The following WFDC10B variants were observed in gnomAD, a reference collection of about 807,000 sequenced individuals.
The protein encoded by WFDC10B is WAP four-disulfide core domain 10B.
WFDC10B carries 1 observed loss-of-function variant against 2.7 expected under a neutral mutation model. The observed-to-expected ratio is 0.38, with a 90% CI of 0.13 to 1.79. The LOEUF is 1.79. Ranked by LOEUF, WFDC10B falls within the 40% of genes most tolerant of loss-of-function variation. The probability of loss-of-function intolerance (pLI) is 0.33; values close to 1 mark genes in which losing one functional copy is unlikely to be tolerated. For synonymous variants in WFDC10B, 26 were observed against 32.2 expected (o/e 0.81, Z 0.65); for missense variants, 71 against 87.8 (o/e 0.81, Z 0.76).
intron 2 of WFDC10B, among the ~76,000 whole-genome samples, chr20:45,693,914 T>A (rs903564467): frequency 1.3e-5 from 2 of 152,336 alleles, no homozygotes; most frequent in African/African-American, 4.8e-5. Context: ...TCACCCGTCC[T>A]CTTCATCGCT....
In WFDC10B at chr20:45,684,816, GC is replaced by G; in HGVS notation, c.*13del. 6.2e-7 allele frequency: 1 copy of G among 1,613,090 alleles called. No homozygotes were observed. Among genetic ancestry groups the G allele is most frequent in the Non-Finnish European group, 8.5e-7 (1 of 1,179,396 alleles). On this transcript the variant is annotated 3_prime_UTR_variant, in exon 4 of 4. Coordinates refer to ENST00000330523, the MANE Select transcript of WFDC10B (RefSeq NM_172006.2). ...TTCAGGGAGCAGGATGCACATCCCA[GC>G]CCACTCTCCCACTCATAGGATGCTC... is the stretch of plus-strand genomic sequence containing the variant.
intron 2 of WFDC10B, among the ~76,000 whole-genome samples, chr20:45,687,897 A>AT (rs1484010783): frequency 1.5e-5 from 2 of 130,402 alleles, no homozygotes; most frequent in Non-Finnish European, 3.1e-5. Flanking sequence ...ATTATACTTT[A>AT]AGTTTTAGGG....
chr20:45,702,053 C>T, intron 2 of WFDC10B: 1 of 1,447,742 alleles, frequency 6.9e-7, no homozygotes, highest in Non-Finnish European at 9.5e-7. Context: ...TCCTTCTCTT[C>T]TCCTCACAGC....
chr20:45,704,686 CCTT>C lies in WFDC10B; in HGVS notation c.-129-128_-129-126del. On this transcript the variant is annotated intron_variant, in intron 1 of 3. Transcript: ENST00000330523. ...TTACCAGCAACTGTGCTGGATCTCT[CCTT>C]TTTTTTTTTTTTCCTTGGTGGCCAT... 2.1e-6 allele frequency: 3 copies of C among 1,463,150 alleles called. No homozygotes were observed. The East Asian group carries it at 7.3e-5, about 36-fold the overall frequency. The allele number at this position is 1,463,150 out of a possible 1,614,324, so 90.6% of individuals were successfully genotyped here. A position where few individuals can be genotyped will look rare whatever the true frequency, so the allele number is the denominator to read the frequency against.
rs142448374 is a variant in WFDC10B at position 45,685,914 on chromosome 20, T to C, written c.79A>G (p.Met27Val). The change falls in exon 3 of 4, where the codon ATG (methionine) becomes GTG (valine). Residue 27 changes from methionine (M) to valine (V), a missense_variant. By Grantham distance (21) the Met-to-Val change is conservative. Coordinates refer to ENST00000330523, the MANE Select transcript of WFDC10B (RefSeq NM_172006.2). ...LQAQGGYRDK[M>V]RMQRIKVCEK... ...GCCCATCACCTACTCTGCATCCTCA[T>C]CTTGTCACGGTATCCTCCCTGGGCC... The C allele has an allele frequency of 8.1e-5, 131 of 1,613,976 alleles. No homozygotes were observed. In the African/African-American group the frequency reaches 1.7e-3, roughly 21 times the overall value.
intron 2 of WFDC10B, among the ~76,000 whole-genome samples, chr20:45,691,168 A>G (rs1983800302): frequency 6.6e-6 from 1 of 152,102 alleles, no homozygotes; most frequent in Non-Finnish European, 1.5e-5. Flanking sequence ...CTTAATGCTG[A>G]GTTCTAGTTT....
At chr20:45,704,169 G>C (rs1984290129) in intron 2 of WFDC10B, among the ~76,000 whole-genome samples, 1 of 152,150 alleles carries the variant, frequency 6.6e-6, no homozygotes, top group South Asian at 2.1e-4. Context: ...ATAGTCAATG[G>C]GGGCTTGGCA....
At chr20:45,700,698 T>C (rs1465939769) in intron 2 of WFDC10B, among the ~76,000 whole-genome samples, 1 of 152,346 alleles carries the variant, frequency 6.6e-6, no homozygotes, top group Admixed American at 6.5e-5. Flanking sequence ...AGGGTACTTA[T>C]GAGAAACCTA....
At chr20:45,689,900 G>T (rs932706467) in intron 2 of WFDC10B, among the ~76,000 whole-genome samples, 38 of 152,012 alleles carry the variant, frequency 2.5e-4, no homozygotes, top group Admixed American at 1.2e-3. Flanking sequence ...TGGTGAGAGA[G>T]GGCATCCCTG....
At chr20:45,691,671 T>C (rs1017905019) in intron 2 of WFDC10B, among the ~76,000 whole-genome samples, 3 of 152,146 alleles carry the variant, frequency 2.0e-5, no homozygotes, top group Admixed American at 6.5e-5. Context: ...CCTGCCTTTT[T>C]TTATTTTCCA....
At chr20:45,688,929 G>A (rs1983717579) in intron 2 of WFDC10B, among the ~76,000 whole-genome samples, 1 of 151,922 alleles carries the variant, frequency 6.6e-6, no homozygotes, top group South Asian at 2.1e-4. Flanking sequence ...CCTATGTCCT[G>A]AATGGTAATG....
intron 1 of WFDC10B, 142 bp from the exon 2 acceptor site, chr20:45,704,703 C>G: frequency 7.1e-7 from 1 of 1,398,606 alleles, no homozygotes; most frequent in Non-Finnish European, 9.6e-7. Context: ...TTTTTTTTTC[C>G]TTGGTGGCCA....
Position 45,699,825 on chromosome 20 carries a change from T to C in WFDC10B, c.-65+4672A>G, listed in dbSNP as rs6032443. Among the ~76,000 whole-genome samples, 1,014 of 152,264 alleles carry C rather than the reference T, an allele frequency of 6.7e-3. 9 individuals carry two copies. The highest frequency in any genetic ancestry group is 0.021 in the African/African-American group (865 of 41,556). On this transcript the variant is annotated intron_variant, in intron 2 of 3. Transcript: ENST00000330523. ...TCCTGAGTAGCTGGGACTACAGGCA[T>C]GTGCCACCACGCCCATCTAATTTTT...
chr20:45,690,063 T>G (rs1205591961), intron 2 of WFDC10B, among the ~76,000 whole-genome samples: 2 of 152,186 alleles, frequency 1.3e-5, no homozygotes, highest in Non-Finnish European at 1.5e-5. Context: ...GTTGTTGAAT[T>G]TTGTCAAAGG....
intron 2 of WFDC10B, among the ~76,000 whole-genome samples, chr20:45,692,322 G>T (rs374656313): frequency 6.6e-6 from 1 of 152,068 alleles, no homozygotes; most frequent in Admixed American, 6.5e-5. Flanking sequence ...TCTTGGAGTT[G>T]CTCTTCTCGA....
chr20:45,703,265 G>A (rs957457794), intron 2 of WFDC10B, among the ~76,000 whole-genome samples: 30 of 152,234 alleles, frequency 2.0e-4, no homozygotes, highest in African/African-American at 7.0e-4. Flanking sequence ...CCAATTTCTT[G>A]CAGTGCCCCA....
chr20:45,704,882 G>C, intron 1 of WFDC10B, 36 bp downstream of exon 1: 1 of 1,604,612 alleles, frequency 6.2e-7, no homozygotes, highest in South Asian at 1.1e-5. Context: ...ACCTTCCCCC[G>C]ACCCAGAATC....
intron 3 of WFDC10B, 142 bp from the exon 4 acceptor site, chr20:45,685,102 G>T: frequency 9.8e-7 from 1 of 1,023,002 alleles, no homozygotes. Flanking sequence ...CTTCCTTCCA[G>T]CCCATCACCA....
Position 45,687,003 on chromosome 20 carries a change from T to C in WFDC10B, c.-64-947A>G, listed in dbSNP as rs548014931. On this transcript the variant is annotated intron_variant, in intron 2 of 3. Coordinates refer to ENST00000330523, the MANE Select transcript of WFDC10B (RefSeq NM_172006.2). ...TATCAATTCATTACACAAAACTCTA[T>C]ATGATTGAGCTATATTTTTAATATT... is the stretch of plus-strand genomic sequence containing the variant. Among the ~76,000 whole-genome samples, 187 of 152,290 alleles carry C rather than the reference T, an allele frequency of 1.2e-3. 2 individuals carry two copies. Among genetic ancestry groups the C allele is most frequent in the African/African-American group, 3.5e-3 (145 of 41,550 alleles).
Sources: allele counts gnomAD v4.1 joint callset (sites outside exome capture counted in the v4.1 genomes callset), GRCh38; gene constraint gnomAD v4.1.1; transcripts MANE v1.5; gene names NCBI Gene and HGNC (gene_info 2026-07-23, HGNC 2026-07-21).